The following MEIOC variants were observed in gnomAD, a reference collection of about 807,000 sequenced individuals.
MEIOC encodes meiosis specific with coiled-coil domain, also known as meiosis-specific coiled-coil domain-containing protein MEIOC.
A neutral mutation model predicts 85.3 loss-of-function variants in MEIOC; 9 were observed. The observed-to-expected ratio is 0.11, with a 90% confidence interval of 0.06 to 0.18. MEIOC has a LOEUF of 0.18. Among genes scored for constraint, MEIOC ranks in the 10% least tolerant of loss-of-function variants. MEIOC has a pLI of 1.00. For missense variants in MEIOC, 898 were observed against 1,129.4 expected (o/e 0.80, Z 2.94); for synonymous variants, 365 against 393.7 (o/e 0.93, Z 0.86).
At chr17:44,669,232 A>C in intron 5 of MEIOC, 151 bp from the exon 6 acceptor site, 1 of 631,106 alleles carries the variant, frequency 1.6e-6, no homozygotes. Flanking sequence ...ATACTGTGGT[A>C]TTGTGGTTTA....
At chr17:44,668,601 C>T (rs1005905088) in intron 5 of MEIOC, among the ~76,000 whole-genome samples, 1 of 152,156 alleles carries the variant, frequency 6.6e-6, no homozygotes, top group Non-Finnish European at 1.5e-5. Flanking sequence ...CAAGTGTTGG[C>T]ATTACAGATG....
At chr17:44,662,598 T>A in intron 3 of MEIOC, 127 bp downstream of exon 3, 1 of 704,424 alleles carries the variant, frequency 1.4e-6, no homozygotes, top group Non-Finnish European at 2.3e-6. Context: ...TTTTTCAAAC[T>A]TTTAGGAAAG....
chr17:44,668,942 G>A (rs1364814116), intron 5 of MEIOC, among the ~76,000 whole-genome samples: 7 of 152,220 alleles, frequency 4.6e-5, no homozygotes, highest in Non-Finnish European at 4.4e-5. Flanking sequence ...GGTGGCTCAC[G>A]CCTGTAATCC....
intron 2 of MEIOC, 74 bp downstream of exon 2, chr17:44,657,335 T>G: frequency 1.4e-6 from 2 of 1,383,712 alleles, no homozygotes; most frequent in East Asian, 5.1e-5. Context: ...GATTCATAGG[T>G]GTTTAATGGC....
At position 44,673,464 on chromosome 17, in the gene MEIOC, T is replaced by C. The variant is rs1972037335; in HGVS notation, c.2556T>C (p.Ile852=). Residue 852 remains isoleucine (I), a synonymous_variant, in exon 7 of 8, where the codon ATT becomes ATC. Coordinates refer to ENST00000409122, the MANE Select transcript of MEIOC (RefSeq NM_001145080.3). The part of the protein sequence containing the change: ...ALDRHLESIH[I]VQSRRKDEIV... ...ATAGACACTTGGAGTCTATTCACAT[T>C]GTACAGTCACGTAGAAAGGATGAAA... 2.6e-6 allele frequency: 4 copies of C among 1,551,662 alleles called. No individual in the cohort carries two copies. Among genetic ancestry groups the C allele is most frequent in the East Asian group, 4.9e-5 (2 of 40,898 alleles).
At chr17:44,657,059 G>A (rs1344004319) in intron 1 of MEIOC, 68 bp from the exon 2 acceptor site, 1 of 1,498,790 alleles carries the variant, frequency 6.7e-7, no homozygotes, top group African/African-American at 1.4e-5. Flanking sequence ...AACAGGTGTC[G>A]GGCCGTTTCA....
Position 44,675,114 on chromosome 17 carries a change from A to C in MEIOC, c.*918A>C, listed in dbSNP as rs1274956961. 1.7e-5 allele frequency: 17 copies of C among 984,786 alleles called. No individual in the cohort carries two copies. The highest frequency in any genetic ancestry group is 2.0e-5 in the Non-Finnish European group (17 of 829,624). 61.0% of individuals were successfully genotyped at this position (984,786 alleles called of 1,614,324 possible). On this transcript the variant is annotated 3_prime_UTR_variant, in exon 8 of 8. Transcript: ENST00000409122. ...TTAATCTCTAACTAGTTTAGCTTGC[A>C]ATTGGTTAGTGTATATTTTGTGTAG... is the stretch of plus-strand genomic sequence containing the variant.
chr17:44,656,558 A>C lies in MEIOC; in HGVS notation c.-56A>C. On this transcript the variant is annotated 5_prime_UTR_variant, in exon 1 of 8. Coordinates refer to ENST00000409122, the MANE Select transcript of MEIOC (RefSeq NM_001145080.3). ...GGAGCCGGGCCTGGACGCCCCCCCC[A>C]TCACCCCCGTACCCCAGGAGCTGTG... 2.1e-5 allele frequency: 26 copies of C among 1,225,230 alleles called. No homozygotes were observed. Among genetic ancestry groups the C allele is most frequent in the East Asian group, 6.7e-5 (2 of 29,898 alleles). 75.9% of individuals were successfully genotyped at this position (1,225,230 alleles called of 1,614,324 possible).
rs538358085 is a variant in MEIOC, at chr17:44,656,555, C to G, written c.-59C>G. On this transcript the variant is annotated 5_prime_UTR_variant, in exon 1 of 8. Coordinates refer to ENST00000409122, the MANE Select transcript of MEIOC (RefSeq NM_001145080.3). Reference sequence around the variant, plus strand: ...GAGGGAGCCGGGCCTGGACGCCCCCCCCATCACCCCCGTACCCCAGGAGCT... The same window carrying G: ...GAGGGAGCCGGGCCTGGACGCCCCCGCCATCACCCCCGTACCCCAGGAGCT... 270 of 1,291,578 alleles carry G rather than the reference C, an allele frequency of 2.1e-4. 1 individual carries two copies. In the African/African-American group the frequency reaches 3.2e-3, roughly 15 times the overall value. The allele number at this position is 1,291,578 out of a possible 1,614,324, so 80.0% of individuals were successfully genotyped here. A position where few individuals can be genotyped will look rare whatever the true frequency, so the allele number is the denominator to read the frequency against.
intron 3 of MEIOC, among the ~76,000 whole-genome samples, chr17:44,664,747 T>C (rs974134526): frequency 1.3e-5 from 2 of 152,228 alleles, no homozygotes; most frequent in South Asian, 2.1e-4. Flanking sequence ...TTTTACATTT[T>C]GTATTTAGTC....
At chr17:44,672,437 C>T (rs748339957) in intron 6 of MEIOC, among the ~76,000 whole-genome samples, 5 of 152,064 alleles carry the variant, frequency 3.3e-5, no homozygotes, top group African/African-American at 4.8e-5. Flanking sequence ...ATTTAACATA[C>T]GGAATAGACT....
In MEIOC at chr17:44,669,327, AT is replaced by A. The variant is rs922700322; in HGVS notation, c.2323-55del. On this transcript the variant is annotated intron_variant, in intron 5 of 7. Transcript: ENST00000409122. ...ATTAGGCTTACGAAAACTATTATTC[AT>A]GGTCGAATCATATTTAGAAAATTCT... 31 of 1,375,418 alleles carry A rather than the reference AT, an allele frequency of 2.3e-5. No homozygotes were observed. The African/African-American group carries it at 3.6e-4, about 16-fold the overall frequency. 85.2% of individuals were successfully genotyped at this position (1,375,418 alleles called of 1,614,324 possible).
intron 3 of MEIOC, chr17:44,665,049 T>TGATA: frequency 2.6e-6 from 2 of 758,864 alleles, no homozygotes; most frequent in East Asian, 1.3e-4. Context: ...GGAGCAGCTA[T>TGATA]GATACCAAGC....
intron 1 of MEIOC, 66 bp downstream of exon 1, chr17:44,656,748 G>A: frequency 1.5e-6 from 2 of 1,325,362 alleles, no homozygotes; most frequent in South Asian, 3.0e-5. Flanking sequence ...GAGGAGGAGA[G>A]GCTGAGGAGG....
chr17:44,665,467 C>T lies in MEIOC; in HGVS notation c.443C>T (p.Ser148Leu). The change falls in exon 4 of 8, where the codon TCA becomes TTA. Residue 148 changes from serine to leucine, a missense_variant. Coordinates refer to ENST00000409122, the MANE Select transcript of MEIOC (RefSeq NM_001145080.3). The part of the protein sequence containing the change: ...VSNILEEQDK[S>L]QPYFAEGTCS... ...AACATTTTGGAAGAACAAGATAAGT[C>T]ACAGCCATATTTTGCTGAAGGGTTA... 3 of 1,543,682 alleles carry T rather than the reference C, an allele frequency of 1.9e-6. No homozygotes were observed. The highest frequency in any genetic ancestry group is 1.2e-5 in the South Asian group (1 of 82,346).
Position 44,669,467 on chromosome 17 carries a change from C to T in MEIOC, c.2407C>T (p.Pro803Ser). The T allele has an allele frequency of 6.4e-7, 1 of 1,558,572 alleles. No individual in the cohort carries two copies. Among genetic ancestry groups the T allele is most frequent in the Non-Finnish European group, 8.7e-7 (1 of 1,150,494 alleles). The change falls in exon 6 of 8, where the codon CCA becomes TCA. Residue 803 changes from proline to serine, a missense_variant. Coordinates refer to ENST00000409122, the MANE Select transcript of MEIOC (RefSeq NM_001145080.3). The part of the protein sequence containing the change: ...NTPVPRLTSN[P>S]SRVDRLIVDE... ...TCCAGTTCCAAGGCTGACTTCCAAC[C>T]CATCTAGAGTTGATCGCTTAATTGT...
intron 3 of MEIOC, chr17:44,665,137 G>T: frequency 9.7e-7 from 1 of 1,035,586 alleles, no homozygotes; most frequent in Non-Finnish European, 1.2e-6. Context: ...AGAAATAAGA[G>T]GTAAGCATGC....
At position 44,656,628 on chromosome 17, in the gene MEIOC, C is replaced by G; in HGVS notation, c.15C>G (p.Arg5=). The G allele has an allele frequency of 6.7e-7, 1 of 1,485,318 alleles. No homozygotes were observed. The highest frequency in any genetic ancestry group is 9.0e-7 in the Non-Finnish European group (1 of 1,116,702). 92.0% of individuals were successfully genotyped at this position (1,485,318 alleles called of 1,614,324 possible). A position where few individuals can be genotyped will look rare whatever the true frequency, so the allele number is the denominator to read the frequency against. Residue 5 remains arginine (R), a synonymous_variant, in exon 1 of 8, where the codon CGC becomes CGG. Coordinates refer to ENST00000409122, the MANE Select transcript of MEIOC (RefSeq NM_001145080.3). MEVR[R]GDTCPRPHPS... ...GGGGGCGCCCCATGGAGGTGAGACG[C>G]GGAGACACCTGCCCGCGCCCTCACC...
At chr17:44,665,857 T>A (rs1230456965) in intron 4 of MEIOC, among the ~76,000 whole-genome samples, 2 of 152,178 alleles carry the variant, frequency 1.3e-5, no homozygotes, top group African/African-American at 2.4e-5. Context: ...TATTCATGTG[T>A]TAGAAAATTT....
Sources: gnomAD v4.1 joint callset for allele counts (sites outside exome capture counted in the v4.1 genomes callset) on GRCh38, gnomAD v4.1.1 for gene constraint, MANE v1.5 for transcripts, NCBI Gene and HGNC (gene_info 2026-07-23, HGNC 2026-07-21) for gene names.